The following SIRPA variants were observed in gnomAD, a reference collection of about 807,000 sequenced individuals.
SIRPA encodes the protein signal regulatory protein alpha, also known as tyrosine-protein phosphatase non-receptor type substrate 1.
Under a neutral mutation model 50.3 loss-of-function variants are expected in SIRPA, and 9 were observed. The observed-to-expected ratio is 0.18, with a 90% confidence interval of 0.11 to 0.31. SIRPA has a LOEUF of 0.31. Ranked by LOEUF, SIRPA falls within the 10% of genes least tolerant of loss-of-function variation. The pLI is 1.00. For missense variants in SIRPA, 474 were observed against 661.6 expected, an observed-to-expected ratio of 0.72 and a Z score of 3.11; for synonymous variants, 265 against 284.1, an observed-to-expected ratio of 0.93 and a Z score of 0.68.
At chr20:1,921,358 G>A in intron 2 of SIRPA, 37 bp from the exon 3 acceptor site, 1 of 1,609,950 alleles carries the variant, frequency 6.2e-7, no homozygotes, top group Non-Finnish European at 8.5e-7. Flanking sequence ...ATTGTCATCT[G>A]AGTCATGTCT....
In SIRPA at chr20:1,939,637, GA is replaced by G. The variant is rs1272778489; in HGVS notation, c.*2070del. ...ATTTTATTTTATTTTTTAATTCTTGGAGGGGGAAATAAGGGAATAAGGCCAA... is the reference window on the plus strand; with the variant it reads ...ATTTTATTTTATTTTTTAATTCTTGGGGGGGAAATAAGGGAATAAGGCCAA... On this transcript the variant is annotated 3_prime_UTR_variant, in exon 8 of 8. Coordinates refer to ENST00000358771, the MANE Select transcript of SIRPA (RefSeq NM_001040023.2). This position sits in a 1 kb window ranked among gnomAD's most constrained non-coding sequence, Gnocchi z 4.7. 1 of 152,330 alleles carries G rather than the reference GA, an allele frequency of 6.6e-6. No homozygotes were observed. Among genetic ancestry groups the G allele is most frequent in the East Asian group, 1.9e-4 (1 of 5,196 alleles). The allele number at this position is 152,330 out of a possible 1,614,324, so 9.4% of individuals were successfully genotyped here. A position where few individuals can be genotyped will look rare whatever the true frequency, so the allele number is the denominator to read the frequency against.
At chr20:1,896,208 C>T (rs938671296) in intron 1 of SIRPA, among the ~76,000 whole-genome samples, 1 of 152,216 alleles carries the variant, frequency 6.6e-6, no homozygotes, top group Admixed American at 6.5e-5. Context: ...GCTCCCAGCT[C>T]CCCCTTCCTC....
In SIRPA at chr20:1,930,141, T is replaced by C. The variant is rs141846235; in HGVS notation, c.1226+2242T>C. 2.7e-4 allele frequency among the ~76,000 whole-genome samples: 41 copies of C among 152,284 alleles called. 1 individual carries two copies. In the East Asian group the frequency reaches 4.4e-3, roughly 17 times the overall value. On this transcript the variant is annotated intron_variant, in intron 6 of 7. Transcript: ENST00000358771. ...CTGTGAATGGCACCCCCTGGAGTTATGCAATGTGGTAGCTAGAGTGGGACC... is the reference window on the plus strand; with the variant it reads ...CTGTGAATGGCACCCCCTGGAGTTACGCAATGTGGTAGCTAGAGTGGGACC...
At chr20:1,920,656 A>G (rs1328183774) in intron 2 of SIRPA, among the ~76,000 whole-genome samples, 1 of 152,256 alleles carries the variant, frequency 6.6e-6, no homozygotes, top group Non-Finnish European at 1.5e-5. Flanking sequence ...CTTCCTTTCA[A>G]ATTTAGCACT....
chr20:1,930,490 G>A (rs375743082), intron 6 of SIRPA, among the ~76,000 whole-genome samples: 8 of 152,340 alleles, frequency 5.3e-5, no homozygotes, highest in Non-Finnish European at 8.8e-5. Flanking sequence ...ACTGTAGCAC[G>A]TCCCACTCTG....
At chr20:1,896,987 G>C (rs1237426255) in intron 1 of SIRPA, among the ~76,000 whole-genome samples, 1 of 152,182 alleles carries the variant, frequency 6.6e-6, no homozygotes, top group South Asian at 2.1e-4. Context: ...ACTCACAAGT[G>C]CTTAATTTTC....
chr20:1,928,135 A>G lies in SIRPA; in HGVS notation c.1226+236A>G, dbSNP rs1386626838. Among the ~76,000 whole-genome samples the G allele has an allele frequency of 6.6e-6, 1 of 152,108 alleles. No individual in the cohort carries two copies. Among genetic ancestry groups the G allele is most frequent in the Admixed American group, 6.5e-5 (1 of 15,278 alleles). On this transcript the variant is annotated intron_variant, in intron 6 of 7. Transcript: ENST00000358771. The surrounding 1 kb of genome is among the most constrained non-coding windows in gnomAD (Gnocchi z 4.9). ...ATTTCTTGCCTGCTCTTCCCAGACAACGAGACCCTTGTCTAATCCCATGTG... is the reference window on the plus strand; with the variant it reads ...ATTTCTTGCCTGCTCTTCCCAGACAGCGAGACCCTTGTCTAATCCCATGTG...
intron 1 of SIRPA, among the ~76,000 whole-genome samples, chr20:1,909,395 G>C (rs1366697121): frequency 2.0e-5 from 3 of 152,198 alleles, no homozygotes; most frequent in African/African-American, 7.2e-5. Flanking sequence ...CTTGAGACAG[G>C]CTTCTGGAAG....
chr20:1,907,858 A>G (rs1437497027), intron 1 of SIRPA, among the ~76,000 whole-genome samples: 2 of 152,192 alleles, frequency 1.3e-5, no homozygotes, highest in Admixed American at 6.5e-5. Flanking sequence ...TGGAGCCCCA[A>G]GCTCTCTTCT....
At chr20:1,912,984 C>A (rs913842098) in intron 1 of SIRPA, among the ~76,000 whole-genome samples, 4 of 152,204 alleles carry the variant, frequency 2.6e-5, no homozygotes, top group African/African-American at 9.6e-5. Context: ...CCTCTCAGGC[C>A]GTCTGATGCT....
At chr20:1,913,684 C>T (rs1479722106) in intron 1 of SIRPA, among the ~76,000 whole-genome samples, 2 of 152,202 alleles carry the variant, frequency 1.3e-5, no homozygotes, top group Non-Finnish European at 2.9e-5. Context: ...TCTCACTCTG[C>T]GTCTGTCTCT....
Position 1,937,980 on chromosome 20 carries a change from TCCACCACCACCA to T in SIRPA, c.*432_*443del, listed in dbSNP as rs71193939. On this transcript the variant is annotated 3_prime_UTR_variant, in exon 8 of 8. Transcript: ENST00000358771. This position sits in a 1 kb window ranked among gnomAD's most constrained non-coding sequence, Gnocchi z 8.3. ...CCCACCTCCCCTGACCTCCACCACC[TCCACCACCACCA>T]CCACCACCACCACCACCACTACCAC... 1.4e-4 allele frequency: 22 copies of T among 153,070 alleles called. No individual in the cohort carries two copies. The highest frequency in any genetic ancestry group is 5.7e-3 in the Middle Eastern group (2 of 352). 9.5% of individuals were successfully genotyped at this position (153,070 alleles called of 1,614,324 possible).
In SIRPA at chr20:1,928,046, C is replaced by A; in HGVS notation, c.1226+147C>A. The A allele has an allele frequency of 1.3e-6, 1 of 751,376 alleles. No homozygotes were observed. Among genetic ancestry groups the A allele is most frequent in the Non-Finnish European group, 2.4e-6 (1 of 423,176 alleles). The allele number at this position is 751,376 out of a possible 1,614,324, so 46.5% of individuals were successfully genotyped here. A position where few individuals can be genotyped will look rare whatever the true frequency, so the allele number is the denominator to read the frequency against. Reference sequence around the variant, plus strand: ...TTCTCTCCTTTGTAACCTCCTCACACTGGGTCACGCTGTTTTTAATTATTG... The same window carrying A: ...TTCTCTCCTTTGTAACCTCCTCACAATGGGTCACGCTGTTTTTAATTATTG... On this transcript the variant is annotated intron_variant, in intron 6 of 7. Coordinates refer to ENST00000358771, the MANE Select transcript of SIRPA (RefSeq NM_001040023.2). The surrounding 1 kb of genome is among the most constrained non-coding windows in gnomAD (Gnocchi z 4.9).
chr20:1,932,858 G>C lies in SIRPA; in HGVS notation c.1227-1857G>C, dbSNP rs1296753646. ...GGACTGACTCCCACTTCTCCAGCCTGAGCACAGGATGACCGATGGTAGAGC... is the reference window on the plus strand; with the variant it reads ...GGACTGACTCCCACTTCTCCAGCCTCAGCACAGGATGACCGATGGTAGAGC... On this transcript the variant is annotated intron_variant, in intron 6 of 7. Transcript: ENST00000358771. The surrounding 1 kb of genome is among the most constrained non-coding windows in gnomAD (Gnocchi z 6.0). Among the ~76,000 whole-genome samples the C allele has an allele frequency of 6.6e-6, 1 of 152,206 alleles. No homozygotes were observed. Among genetic ancestry groups the C allele is most frequent in the East Asian group, 1.9e-4 (1 of 5,200 alleles).
At chr20:1,930,049 G>A (rs934888047) in intron 6 of SIRPA, among the ~76,000 whole-genome samples, 2 of 152,074 alleles carry the variant, frequency 1.3e-5, no homozygotes, top group African/African-American at 4.8e-5. Flanking sequence ...GCTGGGGTGT[G>A]CTCCCTGCCC....
In SIRPA at chr20:1,921,566, A is replaced by C; in HGVS notation, c.608A>C (p.Glu203Ala). 6.2e-7 allele frequency: 1 copy of C among 1,614,238 alleles called. No homozygotes were observed. Among genetic ancestry groups the C allele is most frequent in the South Asian group, 1.1e-5 (1 of 91,086 alleles). The change falls in exon 3 of 8, where the codon GAG becomes GCG. Residue 203 changes from glutamate to alanine, a missense_variant. Physicochemically the swap from Glu to Ala is moderately radical, Grantham distance 107 (BLOSUM62 -1). Around this residue, in one of 4 missense-constraint regions of SIRPA, gnomAD observed 221 missense variants for 359.9 expected, o/e 0.61. Coordinates refer to ENST00000358771, the MANE Select transcript of SIRPA (RefSeq NM_001040023.2). ...CAGACCAACGTGGACCCCGTAGGAG[A>C]GAGCGTGTCCTACAGCATCCACAGC... is the stretch of plus-strand genomic sequence containing the variant. ...DFQTNVDPVG[E>A]SVSYSIHSTA...
chr20:1,924,385 C>T lies in SIRPA; in HGVS notation c.1088-379C>T, dbSNP rs899253356. 6.6e-6 allele frequency among the ~76,000 whole-genome samples: 1 copy of T among 152,204 alleles called. No homozygotes were observed. The highest frequency in any genetic ancestry group is 1.5e-5 in the Non-Finnish European group (1 of 68,040). ...CCTGCTGGCCGCACTGCCCTTCTTC[C>T]AGCTGCTGATTCAGTTTCCAGTGGA... On this transcript the variant is annotated intron_variant, in intron 4 of 7. Transcript: ENST00000358771. The surrounding 1 kb of genome is among the most constrained non-coding windows in gnomAD (Gnocchi z 4.5).
In SIRPA at chr20:1,934,321, C is replaced by T. The variant is rs775513123; in HGVS notation, c.1227-394C>T. Among the ~76,000 whole-genome samples the T allele has an allele frequency of 2.6e-5, 4 of 152,104 alleles. No homozygotes were observed. The highest frequency in any genetic ancestry group is 4.4e-5 in the Non-Finnish European group (3 of 68,014). On this transcript the variant is annotated intron_variant, in intron 6 of 7. Transcript: ENST00000358771. The surrounding 1 kb of genome is among the most constrained non-coding windows in gnomAD (Gnocchi z 4.6). The stretch of plus-strand genomic sequence containing the variant: ...TTTTGAATTCCCCCAAAAAAAAGTG[C>T]AATTATGAGTCAAAGGATGAGGACA...
At chr20:1,913,247 G>A (rs903131823) in intron 1 of SIRPA, among the ~76,000 whole-genome samples, 11 of 152,202 alleles carry the variant, frequency 7.2e-5, no homozygotes, top group African/African-American at 9.6e-5. Context: ...CATGAGAACC[G>A]GGCCCCAAGG....
Sources: gnomAD v4.1 joint callset for allele counts (sites outside exome capture counted in the v4.1 genomes callset) on GRCh38, gnomAD v4.1.1 for gene constraint, gnomAD v4.1.1 regional missense constraint, Gnocchi (gnomAD v3.1) non-coding constraint, MANE v1.5 for transcripts, NCBI Gene and HGNC (gene_info 2026-07-23, HGNC 2026-07-21) for gene names.